The following PADI1 variants were observed in gnomAD, a reference collection of about 807,000 sequenced individuals.
PADI1 encodes the protein protein-arginine deiminase type-1.
In PADI1, 65 loss-of-function variants were observed where a neutral mutation model predicts 74.8. The observed-to-expected ratio is 0.87, with a 90% CI of 0.71 to 1.07. The LOEUF (loss-of-function observed/expected upper bound fraction) is 1.07, where lower values mean the gene tolerates loss of function less well. Among genes scored for constraint, PADI1 ranks in the 50% least tolerant of loss-of-function variants. PADI1 has a pLI of 0.00. For synonymous variants in PADI1, 371 were observed against 336.2 expected (o/e 1.10, Z -1.13); for missense variants, 943 against 854.0 (o/e 1.10, Z -1.30).
intron 6 of PADI1, among the ~76,000 whole-genome samples, chr1:17,226,477 C>T (rs2072315526): frequency 6.6e-6 from 1 of 152,202 alleles, no homozygotes; most frequent in African/African-American, 2.4e-5. Flanking sequence ...CCGTTCCCTC[C>T]TCTGGTCAAT....
At chr1:17,214,584 G>A (rs2071924115) in intron 1 of PADI1, among the ~76,000 whole-genome samples, 1 of 152,126 alleles carries the variant, frequency 6.6e-6, no homozygotes, top group South Asian at 2.1e-4. Flanking sequence ...GGTTAGGTCT[G>A]GGGGCTACAT....
intron 2 of PADI1, among the ~76,000 whole-genome samples, chr1:17,223,199 G>T (rs1245041895): frequency 6.6e-6 from 1 of 152,168 alleles, no homozygotes; most frequent in African/African-American, 2.4e-5. Context: ...CACGCTAAAA[G>T]CTCCAGGACC....
intron 1 of PADI1, among the ~76,000 whole-genome samples, chr1:17,213,072 C>T (rs1031544369): frequency 2.0e-5 from 3 of 152,244 alleles, no homozygotes; most frequent in African/African-American, 7.2e-5. Context: ...AGGGCACACA[C>T]GCACTCATTT....
chr1:17,228,430 T>C (rs951549491), intron 6 of PADI1, among the ~76,000 whole-genome samples, 195 bp from the exon 7 acceptor site: 1 of 152,274 alleles, frequency 6.6e-6, no homozygotes, highest in African/African-American at 2.4e-5. Flanking sequence ...TGAGAAAATG[T>C]TAGCCATTTT....
intron 15 of PADI1, among the ~76,000 whole-genome samples, chr1:17,241,196 G>A (rs978462283): frequency 6.6e-6 from 1 of 152,236 alleles, no homozygotes; most frequent in African/African-American, 2.4e-5. Flanking sequence ...TGTGTCAGGC[G>A]GTGCAGGTGG....
intron 1 of PADI1, among the ~76,000 whole-genome samples, chr1:17,212,861 C>T (rs1488200673): frequency 3.3e-5 from 5 of 152,290 alleles, no homozygotes; most frequent in Non-Finnish European, 7.3e-5. Context: ...CTCGCCTTGC[C>T]GCTGTAAGAT....
intron 1 of PADI1, among the ~76,000 whole-genome samples, chr1:17,220,717 C>G (rs1233843757): frequency 6.6e-6 from 1 of 152,212 alleles, no homozygotes; most frequent in Admixed American, 6.5e-5. Context: ...ATGTGTAGTT[C>G]TCTCATTCAA....
intron 4 of PADI1, among the ~76,000 whole-genome samples, chr1:17,224,700 G>A (rs2072260377): frequency 6.6e-6 from 1 of 152,110 alleles, no homozygotes; most frequent in Non-Finnish European, 1.5e-5. Context: ...TTCTTTTGTT[G>A]CTGCCTTTTT....
At chr1:17,207,619 C>T (rs1320113995) in intron 1 of PADI1, among the ~76,000 whole-genome samples, 1 of 152,206 alleles carries the variant, frequency 6.6e-6, no homozygotes, top group Non-Finnish European at 1.5e-5. Flanking sequence ...GCTCAGACTG[C>T]AAGTGCTGGG....
intron 11 of PADI1, among the ~76,000 whole-genome samples, chr1:17,234,710 G>A (rs544135309): frequency 1.1e-4 from 16 of 152,308 alleles, no homozygotes; most frequent in Admixed American, 4.6e-4. Flanking sequence ...CAAGCCCAAA[G>A]TCTAATGCTG....
intron 11 of PADI1, among the ~76,000 whole-genome samples, chr1:17,235,638 A>G (rs1313102811): frequency 2.6e-5 from 4 of 151,586 alleles, no homozygotes; most frequent in Non-Finnish European, 4.4e-5. Flanking sequence ...GCTCAGGGGC[A>G]GAGAGCTCGG....
chr1:17,215,396 G>GTCATCA (rs1341282249), intron 1 of PADI1, among the ~76,000 whole-genome samples: 1 of 135,366 alleles, frequency 7.4e-6, no homozygotes, highest in Non-Finnish European at 1.6e-5. Flanking sequence ...CATCATCATC[G>GTCATCA]TCATCATCAT....
Position 17,211,967 on chromosome 1 carries a change from TC to T in PADI1, c.92+6660del, listed in dbSNP as rs1382641477. On this transcript the variant is annotated intron_variant, in intron 1 of 15. Transcript: ENST00000375471. ...AGCCAAGGATGATTTGTCTCTGCTT[TC>T]CTGGTGCCCAGCATGGGACCTGATG... Among the ~76,000 whole-genome samples the T allele has an allele frequency of 3.9e-5, 6 of 152,336 alleles. No individual in the cohort carries two copies. The East Asian group carries it at 1.2e-3, about 29-fold the overall frequency.
chr1:17,236,790 AAAAG>A (rs1362920450), intron 11 of PADI1, among the ~76,000 whole-genome samples: 6 of 152,086 alleles, frequency 3.9e-5, no homozygotes, highest in African/African-American at 9.7e-5. Context: ...AAGAAAGAAA[AAAAG>A]AAAGGAAGGA....
chr1:17,228,996 G>A lies in PADI1; in HGVS notation c.874G>A (p.Ala292Thr), dbSNP rs779764979. 1 of 1,595,840 alleles carries A rather than the reference G, an allele frequency of 6.3e-7. No individual in the cohort carries two copies. Among genetic ancestry groups the A allele is most frequent in the Non-Finnish European group, 8.5e-7 (1 of 1,170,254 alleles). Residue 292 changes from alanine to threonine, a missense_variant, in exon 8 of 16, where the codon GCC becomes ACC. Coordinates refer to ENST00000375471, the MANE Select transcript of PADI1 (RefSeq NM_013358.3). ...LFTDTVGFRM[A>T]PWIMTPNTQP... ...CACAGACACTGTGGGCTTCCGCATG[G>A]CCCCCTGGATCATGACGCCCAACAC...
rs181203020 is a variant in PADI1 at position 17,214,532 on chromosome 1, C to A, written c.93-7758C>A. The stretch of plus-strand genomic sequence containing the variant: ...CTTTCAAATCTGTGACCTCACCTGA[C>A]TGTGCATTTGGGGACATGCCAGTAC... On this transcript the variant is annotated intron_variant, in intron 1 of 15. Transcript: ENST00000375471. 1.2e-4 allele frequency among the ~76,000 whole-genome samples: 18 copies of A among 152,282 alleles called. No homozygotes were observed. In the East Asian group the frequency reaches 3.3e-3, roughly 28 times the overall value.
Position 17,230,218 on chromosome 1 carries a change from G to T in PADI1, c.1053+10G>T. The T allele has an allele frequency of 6.2e-7, 1 of 1,611,800 alleles. No individual in the cohort carries two copies. The highest frequency in any genetic ancestry group is 8.5e-7 in the Non-Finnish European group (1 of 1,178,934). ...TGACCGCTGGATCCAGGTGGGAGCTGGGGGCAGCTCGGGAAGCCTGCAGCC... is the reference window on the plus strand; with the variant it reads ...TGACCGCTGGATCCAGGTGGGAGCTTGGGGCAGCTCGGGAAGCCTGCAGCC... On this transcript the variant is annotated intron_variant, in intron 9 of 15. Coordinates refer to ENST00000375471, the MANE Select transcript of PADI1 (RefSeq NM_013358.3).
chr1:17,211,130 C>T (rs768604825), intron 1 of PADI1, among the ~76,000 whole-genome samples: 1 of 152,134 alleles, frequency 6.6e-6, no homozygotes, highest in Non-Finnish European at 1.5e-5. Context: ...CTCTTTTGTC[C>T]GGGTCTGCCC....
chr1:17,212,006 C>T (rs577292018), intron 1 of PADI1, among the ~76,000 whole-genome samples: 69 of 152,296 alleles, frequency 4.5e-4, no homozygotes, highest in Middle Eastern at 3.4e-3. Context: ...CAGTAGCTAC[C>T]CAGGAAGGTA....
Sources: gnomAD v4.1 joint callset for allele counts (sites outside exome capture counted in the v4.1 genomes callset) on GRCh38, gnomAD v4.1.1 for gene constraint, MANE v1.5 for transcripts, NCBI Gene and HGNC (gene_info 2026-07-23, HGNC 2026-07-21) for gene names.